FAM199X: variants seen among roughly 807,000 people sequenced by gnomAD.
The protein encoded by FAM199X is family with sequence similarity 199, X-linked.
FAM199X carries 4 observed loss-of-function variants against 22.9 expected under a neutral mutation model. The observed-to-expected ratio is 0.17, with a 90% confidence interval of 0.09 to 0.40. The LOEUF is 0.40. Ranked by LOEUF, FAM199X falls within the 10% of genes least tolerant of loss-of-function variation. The probability of loss-of-function intolerance (pLI) is 1.00; values close to 1 mark genes in which losing one functional copy is unlikely to be tolerated. For missense variants in FAM199X, 183 were observed against 306.8 expected, an observed-to-expected ratio of 0.60 and a Z score of 3.01; for synonymous variants, 101 against 112.3, an observed-to-expected ratio of 0.90 and a Z score of 0.64.
At chrX:104,164,028 T>C (rs1377065515), upstream of FAM199X, among the ~76,000 whole-genome samples, 1 of 112,343 alleles carries the variant, frequency 8.9e-6, no homozygotes, top group African/African-American at 3.2e-5. Flanking sequence ...TAAATTCTTT[T>C]TATAATATTT....
intron 2 of FAM199X, among the ~76,000 whole-genome samples, chrX:104,177,377 T>C (rs1464335501): frequency 8.9e-6 from 1 of 112,247 alleles, no homozygotes; most frequent in African/African-American, 3.2e-5. Flanking sequence ...TGATGAACTT[T>C]TGGGTTGTTT....
At chrX:104,172,118 T>G (rs1921367632) in intron 1 of FAM199X, among the ~76,000 whole-genome samples, 1 of 110,180 alleles carries the variant, frequency 9.1e-6, no homozygotes, top group Non-Finnish European at 1.9e-5. Context: ...ATATAAAAAT[T>G]TTGCCAGGTG....
chrX:104,166,197 T>C (rs1168464498), upstream of FAM199X, among the ~76,000 whole-genome samples: 2 of 113,009 alleles, frequency 1.8e-5, no homozygotes, highest in African/African-American at 6.4e-5. Flanking sequence ...CAGTGTGACC[T>C]TGGCCAAGTC....
chrX:104,158,867 CCTT>C, the FAM199X span, among the ~76,000 whole-genome samples: 3 of 111,790 alleles, frequency 2.7e-5, no homozygotes, highest in Non-Finnish European at 3.8e-5. Flanking sequence ...AGCTCCCTGA[CCTT>C]CTTTCTCATT....
At chrX:104,187,490 A>T (rs1297754915) in intron 4 of FAM199X, among the ~76,000 whole-genome samples, 1 of 112,136 alleles carries the variant, frequency 8.9e-6, no homozygotes, top group Non-Finnish European at 1.9e-5. Context: ...TTTTGCATTT[A>T]TCATTATTTA....
At chrX:104,176,188 T>A (rs1556376424) in intron 2 of FAM199X, among the ~76,000 whole-genome samples, 1 of 112,225 alleles carries the variant, frequency 8.9e-6, no homozygotes, top group African/African-American at 3.2e-5. Context: ...AGGACAAATA[T>A]CAGTCACATT....
the FAM199X span, among the ~76,000 whole-genome samples, chrX:104,160,801 G>T: frequency 2.7e-5 from 3 of 111,391 alleles, no homozygotes; most frequent in Non-Finnish European, 5.7e-5. Context: ...CCAGATTGTT[G>T]AAATATATAT....
chrX:104,184,032 A>G (rs1367512974), intron 2 of FAM199X, among the ~76,000 whole-genome samples: 1 of 112,039 alleles, frequency 8.9e-6, no homozygotes, highest in Non-Finnish European at 1.9e-5. Flanking sequence ...CAACTCTCCC[A>G]AACTTTAATC....
intron 1 of FAM199X, among the ~76,000 whole-genome samples, chrX:104,174,185 G>A (rs957303730): frequency 7.2e-5 from 8 of 110,430 alleles, no homozygotes; most frequent in African/African-American, 1.7e-4. Flanking sequence ...TGGGAGAATC[G>A]CTCGAGCCTG....
chrX:104,160,050 T>C, the FAM199X span, among the ~76,000 whole-genome samples: 2 of 112,112 alleles, frequency 1.8e-5, no homozygotes. Flanking sequence ...GGCCCAAGAA[T>C]CATGCCCCAC....
Position 104,184,170 on chromosome X carries a change from T to G in FAM199X, c.418-1896T>G, listed in dbSNP as rs188634348. Among the ~76,000 whole-genome samples the G allele has an allele frequency of 1.1e-4, 12 of 112,613 alleles. No individual in the cohort carries two copies. The East Asian group carries it at 3.3e-3, about 31-fold the overall frequency. On this transcript the variant is annotated intron_variant, in intron 2 of 5. Coordinates refer to ENST00000493442, the MANE Select transcript of FAM199X (RefSeq NM_207318.4). The stretch of plus-strand genomic sequence containing the variant: ...GTATTACTTTCCCAAGTAAAGTTTT[T>G]GTGTAAGGACTTAACACTGCTTTGA...
At chrX:104,171,890 T>A (rs1921361946) in intron 1 of FAM199X, among the ~76,000 whole-genome samples, 1 of 111,954 alleles carries the variant, frequency 8.9e-6, no homozygotes, top group Non-Finnish European at 1.9e-5. Flanking sequence ...TTTTCCAAAT[T>A]TCTGTTTGGG....
chrX:104,163,610 C>T (rs1231483445), upstream of FAM199X, among the ~76,000 whole-genome samples: 3 of 110,882 alleles, frequency 2.7e-5, no homozygotes, highest in East Asian at 8.5e-4. Flanking sequence ...AAACATTATA[C>T]ATACAGTGCA....
chrX:104,183,211 C>G (rs2147895269), intron 2 of FAM199X, among the ~76,000 whole-genome samples: 1 of 109,187 alleles, frequency 9.2e-6, no homozygotes, highest in South Asian at 3.9e-4. Context: ...ATCAAAGGAA[C>G]TTGATGTAGG....
At chrX:104,165,321 A>T (rs1921137908), upstream of FAM199X, among the ~76,000 whole-genome samples, 2 of 112,115 alleles carry the variant, frequency 1.8e-5, no homozygotes, top group South Asian at 7.4e-4. Flanking sequence ...TATAAGTTGC[A>T]TTGGTAGGGC....
chrX:104,183,298 G>A (rs185525588), intron 2 of FAM199X, among the ~76,000 whole-genome samples: 5 of 107,762 alleles, frequency 4.6e-5, no homozygotes, highest in Non-Finnish European at 9.6e-5. Context: ...GTGATTTGAA[G>A]TCAAAGAGAA....
At chrX:104,179,989 T>G (rs1439069575) in intron 2 of FAM199X, among the ~76,000 whole-genome samples, 2 of 104,260 alleles carry the variant, frequency 1.9e-5, no homozygotes, top group Non-Finnish European at 3.9e-5. Flanking sequence ...TTTTTTTTTT[T>G]TTTTTTGAGA....
rs5962279 is a variant in FAM199X, at chrX:104,167,904, T to G, written c.197+922T>G. Among the ~76,000 whole-genome samples, 677 of 107,450 alleles carry G rather than the reference T, an allele frequency of 6.3e-3. 10 individuals are homozygous for G. Among genetic ancestry groups the G allele is most frequent in the African/African-American group, 0.022 (650 of 29,304 alleles). 93.3% of individuals were successfully genotyped at this position (107,450 alleles called of 115,157 possible). A position where few individuals can be genotyped will look rare whatever the true frequency, so the allele number is the denominator to read the frequency against. ...ATACATATACAAAGGGCTGGGGGGG[T>G]GTGTGGTTAAGGCTCTAGGAGAGGG... is the stretch of plus-strand genomic sequence containing the variant. On this transcript the variant is annotated intron_variant, in intron 1 of 5. Coordinates refer to ENST00000493442, the MANE Select transcript of FAM199X (RefSeq NM_207318.4).
upstream of FAM199X, among the ~76,000 whole-genome samples, chrX:104,164,920 G>T (rs949098904): frequency 8.9e-6 from 1 of 111,776 alleles, no homozygotes; most frequent in Non-Finnish European, 1.9e-5. Flanking sequence ...AGACTATTTC[G>T]TTAGCTTCTT....
Sources: allele counts gnomAD v4.1 joint callset (sites outside exome capture counted in the v4.1 genomes callset), GRCh38; gene constraint gnomAD v4.1.1; transcripts MANE v1.5; gene names NCBI Gene and HGNC (gene_info 2026-07-23, HGNC 2026-07-21).